DCC: variants seen among roughly 807,000 people sequenced by gnomAD.
DCC encodes netrin receptor DCC.
DCC carries 58 observed loss-of-function variants against 172.5 expected under a neutral mutation model. That is an observed-to-expected ratio of 0.34 (90% confidence interval 0.27 to 0.42). The LOEUF (loss-of-function observed/expected upper bound fraction) is 0.42. DCC is among the 10% of genes least tolerant of loss of function. The pLI is 1.00. For missense variants in DCC, 1,740 were observed against 1,791.0 expected (o/e 0.97, Z 0.51); for synonymous variants, 709 against 644.5 (o/e 1.10, Z -1.52).
intron 2 of DCC, among the ~76,000 whole-genome samples, chr18:52,803,183 A>G (rs1449921346): frequency 6.6e-6 from 1 of 152,178 alleles, no homozygotes; most frequent in African/African-American, 2.4e-5. Context: ...TATGGGTCCC[A>G]TGGTGTTATT....
chr18:52,652,657 C>T (rs1375225714), intron 1 of DCC, among the ~76,000 whole-genome samples: 1 of 150,884 alleles, frequency 6.6e-6, no homozygotes, highest in Non-Finnish European at 1.5e-5. Context: ...CTTTTATGTG[C>T]TCCCATTAGT....
intron 7 of DCC, among the ~76,000 whole-genome samples, chr18:53,087,990 G>A (rs1345324658): frequency 1.3e-5 from 2 of 152,120 alleles, no homozygotes; most frequent in African/African-American, 2.4e-5. Flanking sequence ...GTACCATGCT[G>A]TTTTGGTTAC....
In DCC at chr18:53,259,532, A is replaced by G. The variant is rs1466056329; in HGVS notation, c.1911+43935A>G. 6.6e-5 allele frequency among the ~76,000 whole-genome samples: 10 copies of G among 152,274 alleles called. No individual in the cohort carries two copies. In the East Asian group the frequency reaches 1.9e-3, roughly 29 times the overall value. On this transcript the variant is annotated intron_variant, in intron 12 of 28. Coordinates refer to ENST00000442544, the MANE Select transcript of DCC (RefSeq NM_005215.4). Reference sequence around the variant, plus strand: ...ATTCTTTTCTTTAAGAATGTTGAATATTGGCCCCCACTCTCTTCTGGCTTG... The same window carrying G: ...ATTCTTTTCTTTAAGAATGTTGAATGTTGGCCCCCACTCTCTTCTGGCTTG...
chr18:52,383,656 G>T (rs991983042), intron 1 of DCC, among the ~76,000 whole-genome samples: 6 of 151,600 alleles, frequency 4.0e-5, no homozygotes, highest in Non-Finnish European at 1.5e-5. Context: ...TTTCATTCAT[G>T]AATTATTCAG....
In DCC at chr18:52,469,581, T is replaced by A. The variant is rs143229341; in HGVS notation, c.91+128703T>A. 3.2e-4 allele frequency among the ~76,000 whole-genome samples: 49 copies of A among 152,282 alleles called. No individual in the cohort carries two copies. In the East Asian group the frequency reaches 9.3e-3, roughly 29 times the overall value. ...AATACAGTCTAATAAACATTGATAA[T>A]CACAGAAATAATTACATTTTACAAA... On this transcript the variant is annotated intron_variant, in intron 1 of 28. Coordinates refer to ENST00000442544, the MANE Select transcript of DCC (RefSeq NM_005215.4).
chr18:53,053,894 T>C (rs2042367566), intron 5 of DCC, among the ~76,000 whole-genome samples: 1 of 152,154 alleles, frequency 6.6e-6, no homozygotes, highest in African/African-American at 2.4e-5. Context: ...CGTTTATCAA[T>C]TGTATATGTA....
chr18:52,771,738 C>T (rs922725025), intron 2 of DCC, among the ~76,000 whole-genome samples: 1 of 152,114 alleles, frequency 6.6e-6, no homozygotes, highest in African/African-American at 2.4e-5. Context: ...CCAAGTAGCA[C>T]TGAAATGTTT....
At chr18:52,523,581 G>A (rs1306719368) in intron 1 of DCC, among the ~76,000 whole-genome samples, 1 of 152,062 alleles carries the variant, frequency 6.6e-6, no homozygotes, top group African/African-American at 2.4e-5. Context: ...ATGCACAAAA[G>A]CTAATTTCAA....
At chr18:52,481,042 A>ATACC (rs2029938428) in intron 1 of DCC, among the ~76,000 whole-genome samples, 1 of 152,204 alleles carries the variant, frequency 6.6e-6, no homozygotes. Context: ...ATGTCCTTGA[A>ATACC]TACCTCATCT....
At position 52,419,757 on chromosome 18, in the gene DCC, A is replaced by T. The variant is rs1987182057; in HGVS notation, c.91+78879A>T. 2.6e-5 allele frequency: 4 copies of T among 152,162 alleles called. No individual in the cohort carries two copies. The South Asian group carries it at 8.3e-4, about 32-fold the overall frequency. The allele number at this position is 152,162 out of a possible 1,614,324, so 9.4% of individuals were successfully genotyped here. On this transcript the variant is annotated intron_variant, in intron 1 of 28. Coordinates refer to ENST00000442544, the MANE Select transcript of DCC (RefSeq NM_005215.4). ...GAAATTCACTTGTCCACTTATTGTT[A>T]TTTCCACCTCCTTAATTTCTTATTA... is the stretch of plus-strand genomic sequence containing the variant.
intron 12 of DCC, among the ~76,000 whole-genome samples, chr18:53,253,245 C>G (rs1598949556): frequency 6.6e-6 from 1 of 151,992 alleles, no homozygotes; most frequent in East Asian, 1.9e-4. Context: ...CCGTCCACCC[C>G]CTCTTCCTAT....
Position 53,397,388 on chromosome 18 carries a change from A to C in DCC, c.2769A>C (p.Thr923=). The C allele has an allele frequency of 6.2e-7, 1 of 1,614,012 alleles. No homozygotes were observed. The highest frequency in any genetic ancestry group is 8.5e-7 in the Non-Finnish European group (1 of 1,179,932). The part of the protein sequence containing the change: ...NTMYEFSVMV[T]KNRRSSTWSM... ...TGTATGAATTCTCGGTCATGGTAAC[A>C]AAAAACAGAAGGTCCAGTACTTGGA... is the stretch of plus-strand genomic sequence containing the variant. The change falls in exon 18 of 29, where the codon ACA becomes ACC. Residue 923 remains threonine (T), a synonymous_variant. Coordinates refer to ENST00000442544, the MANE Select transcript of DCC (RefSeq NM_005215.4).
intron 1 of DCC, among the ~76,000 whole-genome samples, chr18:52,383,165 G>C (rs1985656261): frequency 6.6e-6 from 1 of 152,050 alleles, no homozygotes; most frequent in African/African-American, 2.4e-5. Flanking sequence ...CTTGAGTTAA[G>C]AGCATGAACG....
chr18:53,310,170 G>C (rs2057249840), intron 13 of DCC, among the ~76,000 whole-genome samples: 1 of 151,828 alleles, frequency 6.6e-6, no homozygotes. Context: ...AAACATTAAG[G>C]AACCAGGGAG....
intron 2 of DCC, among the ~76,000 whole-genome samples, chr18:52,866,210 T>C (rs2039226392): frequency 6.6e-6 from 1 of 152,124 alleles, no homozygotes; most frequent in South Asian, 2.1e-4. Flanking sequence ...TGTAGATGTG[T>C]GGTGTTATTT....
rs1217774695 is a variant in DCC, at chr18:53,205,272, A to C, written c.1630A>C (p.Ile544Leu). 1.9e-6 allele frequency: 3 copies of C among 1,613,454 alleles called. No individual in the cohort carries two copies. In the South Asian group the frequency reaches 3.3e-5, roughly 18 times the overall value. ...LQAVSTSPTS[I>L]LITWEPPAYA... The stretch of plus-strand genomic sequence containing the variant: ...AGCTGTATCTACCTCACCTACCTCA[A>C]TTCTTATTACCTGGGAACCCCCTGC... The change falls in exon 10 of 29, where the codon ATT (isoleucine) becomes CTT (leucine). Residue 544 changes from isoleucine (I) to leucine (L), a missense_variant. Ile to Leu is a conservative substitution (Grantham distance 5). This residue lies in a region of DCC where 1,732 missense variants were observed against 1,767.4 expected (regional missense o/e 0.98). Transcript: ENST00000442544.
intron 1 of DCC, among the ~76,000 whole-genome samples, chr18:52,621,630 G>A (rs1205544385): frequency 6.6e-6 from 1 of 152,154 alleles, no homozygotes; most frequent in East Asian, 1.9e-4. Flanking sequence ...CAACTCATCA[G>A]CTTAAAGGGA....
chr18:53,075,477 A>C (rs989898784), intron 7 of DCC, among the ~76,000 whole-genome samples: 2 of 152,184 alleles, frequency 1.3e-5, no homozygotes, highest in Non-Finnish European at 2.9e-5. Flanking sequence ...AATATGGAAA[A>C]CTTGATAGAT....
At chr18:52,543,751 T>C (rs543692762) in intron 1 of DCC, among the ~76,000 whole-genome samples, 1 of 152,250 alleles carries the variant, frequency 6.6e-6, no homozygotes, top group South Asian at 2.1e-4. Context: ...CCTTCTCCCA[T>C]ACCAGGACAA....
Sources: allele counts gnomAD v4.1 joint callset (sites outside exome capture counted in the v4.1 genomes callset), GRCh38; gene constraint gnomAD v4.1.1; regional missense constraint gnomAD v4.1.1; transcripts MANE v1.5; gene names NCBI Gene and HGNC (gene_info 2026-07-23, HGNC 2026-07-21).